The following ANKH variants were observed in gnomAD, a reference collection of about 807,000 sequenced individuals.
ANKH encodes mineralization regulator ANKH.
In ANKH, 15 loss-of-function variants were observed where a neutral mutation model predicts 49.0. That is an observed-to-expected ratio of 0.31 (90% CI 0.20 to 0.47). The LOEUF (loss-of-function observed/expected upper bound fraction) is 0.47, where lower values mean the gene tolerates loss of function less well. ANKH is among the 20% of genes least tolerant of loss of function. ANKH has a pLI of 1.00. For missense variants in ANKH, 429 were observed against 652.0 expected (o/e 0.66, Z 3.72); for synonymous variants, 273 against 260.0 (o/e 1.05, Z -0.48).
chr5:14,815,444 C>G (rs1207791190), intron 1 of ANKH, among the ~76,000 whole-genome samples: 1 of 152,166 alleles, frequency 6.6e-6, no homozygotes, highest in Non-Finnish European at 1.5e-5. Context: ...ATTGTTCATT[C>G]ATAGTCATTC....
intron 8 of ANKH, among the ~76,000 whole-genome samples, chr5:14,732,495 C>CAT (rs1477155575): frequency 4.6e-5 from 7 of 152,114 alleles, no homozygotes; most frequent in Non-Finnish European, 8.8e-5. Context: ...GATATAGATA[C>CAT]ATATATATAA....
At chr5:14,790,888 G>C (rs1295372891) in intron 1 of ANKH, among the ~76,000 whole-genome samples, 4 of 152,150 alleles carry the variant, frequency 2.6e-5, no homozygotes, top group Non-Finnish European at 5.9e-5. Context: ...AGAATCACAG[G>C]TATAAGCCAC....
At chr5:14,871,002 A>T in intron 1 of ANKH, 1 of 382,100 alleles carries the variant, frequency 2.6e-6, no homozygotes, top group Non-Finnish European at 5.2e-6. Context: ...GGGTAAATAA[A>T]AACCCAGCAC....
chr5:14,856,556 C>T (rs1314575422), intron 1 of ANKH, among the ~76,000 whole-genome samples: 1 of 151,894 alleles, frequency 6.6e-6, no homozygotes, highest in Non-Finnish European at 1.5e-5. Flanking sequence ...CCCATTGATA[C>T]TGGGAGAGCA....
At chr5:14,785,877 C>G (rs112154636) in intron 1 of ANKH, among the ~76,000 whole-genome samples, 1,741 of 151,624 alleles carry the variant, frequency 0.011, 39 homozygotes, top group African/African-American at 0.04. Context: ...AACCCCATCT[C>G]TACTAAAAAT....
chr5:14,743,360 C>T (rs1442446011), intron 7 of ANKH, among the ~76,000 whole-genome samples: 1 of 152,172 alleles, frequency 6.6e-6, no homozygotes, highest in African/African-American at 2.4e-5. Context: ...CAGCAACGTA[C>T]CACAGCTCCT....
intron 3 of ANKH, 70 bp from the exon 4 acceptor site, chr5:14,756,014 T>A (rs1293384153): frequency 1.5e-6 from 2 of 1,328,920 alleles, no homozygotes; most frequent in Non-Finnish European, 2.2e-6. Flanking sequence ...TGTTGAGATT[T>A]ACTGGGCATT....
intron 8 of ANKH, among the ~76,000 whole-genome samples, chr5:14,738,896 G>A (rs1738267791): frequency 6.6e-6 from 1 of 152,152 alleles, no homozygotes; most frequent in Non-Finnish European, 1.5e-5. Flanking sequence ...ACTGACCGGT[G>A]TCTCATAATT....
chr5:14,841,390 G>A (rs199698009), intron 1 of ANKH, among the ~76,000 whole-genome samples: 15 of 151,632 alleles, frequency 9.9e-5, no homozygotes, highest in Admixed American at 5.3e-4. Flanking sequence ...TCCGCCTCCC[G>A]GGTTCAAGTG....
intron 5 of ANKH, among the ~76,000 whole-genome samples, chr5:14,750,782 A>G (rs564420486): frequency 3.0e-4 from 46 of 152,182 alleles, no homozygotes; most frequent in African/African-American, 1.0e-3. Context: ...AGCAAGAAAA[A>G]CCATGAATGT....
intron 7 of ANKH, among the ~76,000 whole-genome samples, chr5:14,743,233 C>T (rs373666857): frequency 5.3e-5 from 8 of 152,184 alleles, no homozygotes; most frequent in African/African-American, 1.7e-4. Flanking sequence ...CTCCATTCAC[C>T]CTGGATCTGT....
Position 14,785,489 on chromosome 5 carries a change from T to C in ANKH, c.97-16298A>G, listed in dbSNP as rs1237935176. On this transcript the variant is annotated intron_variant, in intron 1 of 11. Transcript: ENST00000284268. ...CCTTCTGCCATGATTGGAAGCTTCC[T>C]GAGGCCTCTGCAGAAGCCAAACGGA... 3.3e-5 allele frequency among the ~76,000 whole-genome samples: 5 copies of C among 152,194 alleles called. No homozygotes were observed. In the East Asian group the frequency reaches 9.7e-4, roughly 29 times the overall value.
rs1042444650 is a variant in ANKH at position 14,815,906 on chromosome 5, G to A, written c.97-46715C>T. On this transcript the variant is annotated intron_variant, in intron 1 of 11. Coordinates refer to ENST00000284268, the MANE Select transcript of ANKH (RefSeq NM_054027.6). ...ATCGAGGGCGCTGGCTAGTAAGCTA[G>A]ACCAGGCCAAGGTGGGCAGGTTATT... 9.2e-5 allele frequency among the ~76,000 whole-genome samples: 14 copies of A among 152,192 alleles called. 1 individual carries two copies. Among genetic ancestry groups the A allele is most frequent in the Non-Finnish European group, 1.5e-5 (1 of 68,038 alleles).
At chr5:14,774,042 A>C (rs1466282235) in intron 1 of ANKH, among the ~76,000 whole-genome samples, 1 of 152,256 alleles carries the variant, frequency 6.6e-6, no homozygotes, top group East Asian at 1.9e-4. Flanking sequence ...AACATTCAAA[A>C]GTATGAAAAA....
At chr5:14,824,625 A>G (rs758056549) in intron 1 of ANKH, among the ~76,000 whole-genome samples, 6 of 152,204 alleles carry the variant, frequency 3.9e-5, no homozygotes, top group Non-Finnish European at 5.9e-5. Flanking sequence ...GCAGTTTGTG[A>G]GATCATTTCA....
At chr5:14,859,461 A>T (rs960565020) in intron 1 of ANKH, among the ~76,000 whole-genome samples, 5 of 152,242 alleles carry the variant, frequency 3.3e-5, no homozygotes, top group African/African-American at 1.2e-4. Context: ...AAAATGATCA[A>T]CAGTACACAT....
In ANKH at chr5:14,846,049, G is replaced by C. The variant is rs567561254; in HGVS notation, c.96+25303C>G. On this transcript the variant is annotated intron_variant, in intron 1 of 11. Coordinates refer to ENST00000284268, the MANE Select transcript of ANKH (RefSeq NM_054027.6). ...TTTTTGTATTTTTAGTAGAGACAGGGTTTCACCGTGTTGGCCAGGCTGGTC... is the reference window on the plus strand; with the variant it reads ...TTTTTGTATTTTTAGTAGAGACAGGCTTTCACCGTGTTGGCCAGGCTGGTC... 9.9e-5 allele frequency among the ~76,000 whole-genome samples: 15 copies of C among 151,674 alleles called. No individual in the cohort carries two copies. In the East Asian group the frequency reaches 2.9e-3, roughly 29 times the overall value.
At chr5:14,765,325 G>A (rs1210561713) in intron 2 of ANKH, among the ~76,000 whole-genome samples, 1 of 152,200 alleles carries the variant, frequency 6.6e-6, no homozygotes, top group Non-Finnish European at 1.5e-5. Context: ...GCATAGTATG[G>A]ACAGTAACTC....
At chr5:14,840,919 A>G (rs1261634239) in intron 1 of ANKH, among the ~76,000 whole-genome samples, 1 of 152,212 alleles carries the variant, frequency 6.6e-6, no homozygotes. Flanking sequence ...GCCTCAGACA[A>G]AAAAATCACA....
Sources: gnomAD v4.1 joint callset for allele counts (sites outside exome capture counted in the v4.1 genomes callset) on GRCh38, gnomAD v4.1.1 for gene constraint, MANE v1.5 for transcripts, NCBI Gene and HGNC (gene_info 2026-07-23, HGNC 2026-07-21) for gene names.